EXT1: variants seen among roughly 807,000 people sequenced by gnomAD.
The protein encoded by EXT1 is exostosin-1.
EXT1 carries 20 observed loss-of-function variants against 82.5 expected under a neutral mutation model. That is an observed-to-expected ratio of 0.24 (90% confidence interval 0.17 to 0.35). The LOEUF (loss-of-function observed/expected upper bound fraction) is 0.35. EXT1 is among the 10% of genes least tolerant of loss of function. EXT1 has a pLI of 1.00. For missense variants in EXT1, 757 were observed against 936.5 expected, an observed-to-expected ratio of 0.81 and a Z score of 2.50; for synonymous variants, 348 against 350.8, an observed-to-expected ratio of 0.99 and a Z score of 0.09.
intron 8 of EXT1, among the ~76,000 whole-genome samples, chr8:117,807,766 T>C (rs17503096): frequency 0.011 from 1,709 of 152,186 alleles, 33 homozygotes; most frequent in African/African-American, 0.038. Flanking sequence ...TTCCCATGTA[T>C]ATCCAAAGAA....
chr8:117,882,239 C>T (rs1408709240), intron 1 of EXT1, among the ~76,000 whole-genome samples: 2 of 152,140 alleles, frequency 1.3e-5, no homozygotes, highest in African/African-American at 2.4e-5. Flanking sequence ...CACCACCATA[C>T]CCAGCTACTT....
chr8:118,014,442 T>G (rs1252505308), intron 1 of EXT1, among the ~76,000 whole-genome samples: 1 of 152,164 alleles, frequency 6.6e-6, no homozygotes, highest in Non-Finnish European at 1.5e-5. Flanking sequence ...CTCATGTCCG[T>G]GCATCCCTTC....
At chr8:117,807,923 C>T (rs1377464659) in intron 8 of EXT1, among the ~76,000 whole-genome samples, 2 of 151,224 alleles carry the variant, frequency 1.3e-5, no homozygotes, top group African/African-American at 4.9e-5. Flanking sequence ...ATAAAGAAAA[C>T]ATAATTCAGG....
At chr8:118,090,521 T>C (rs1354726095) in intron 1 of EXT1, among the ~76,000 whole-genome samples, 4 of 152,000 alleles carry the variant, frequency 2.6e-5, no homozygotes, top group Non-Finnish European at 5.9e-5. Context: ...CTCATGCCTG[T>C]AATCCCAGCA....
rs531703918 is a variant in EXT1 at position 117,895,380 on chromosome 8, T to C, written c.963-58179A>G. Among the ~76,000 whole-genome samples, 31 of 152,166 alleles carry C rather than the reference T, an allele frequency of 2.0e-4. 1 individual carries two copies. The highest frequency in any genetic ancestry group is 3.1e-4 in the Non-Finnish European group (21 of 68,038). ...ATTGGGCACCTGTTCTGGCCAGGCA[T>C]TAGGCTAGGACAGAAAGAATGAAGA... On this transcript the variant is annotated intron_variant, in intron 1 of 10. Transcript: ENST00000378204.
chr8:117,815,204 T>C (rs953455364), intron 7 of EXT1, among the ~76,000 whole-genome samples: 1 of 152,210 alleles, frequency 6.6e-6, no homozygotes, highest in Non-Finnish European at 1.5e-5. Context: ...GCCCTGACCT[T>C]TCCCTTGTTA....
intron 1 of EXT1, among the ~76,000 whole-genome samples, chr8:117,841,253 T>C (rs963014994): frequency 6.6e-6 from 1 of 152,196 alleles, no homozygotes; most frequent in Non-Finnish European, 1.5e-5. Flanking sequence ...GGACAAACTA[T>C]TGATACACAC....
intron 1 of EXT1, among the ~76,000 whole-genome samples, chr8:117,959,417 A>G (rs891484031): frequency 6.6e-6 from 1 of 152,226 alleles, no homozygotes; most frequent in African/African-American, 2.4e-5. Flanking sequence ...GCTAGCTAGC[A>G]CTATATTTGA....
intron 1 of EXT1, among the ~76,000 whole-genome samples, chr8:118,022,323 ATTCTTTTTTTTTT>A (rs1586348177): frequency 1.0e-5 from 1 of 96,824 alleles, no homozygotes; most frequent in East Asian, 3.4e-4. Context: ...GCGCATATAT[ATTCTTTTTTTTTT>A]TTTTTTTTTT....
Position 117,826,549 on chromosome 8 carries a change from C to T in EXT1, c.1284+3681G>A, listed in dbSNP as rs17503341. Reference sequence around the variant, plus strand: ...GTGATACTTAAATTGTTCTTATAAACACATTTGCTGTGTTATTTGTATCTG... The same window carrying T: ...GTGATACTTAAATTGTTCTTATAAATACATTTGCTGTGTTATTTGTATCTG... On this transcript the variant is annotated intron_variant, in intron 4 of 10. Transcript: ENST00000378204. Among the ~76,000 whole-genome samples, 632 of 152,304 alleles carry T rather than the reference C, an allele frequency of 4.1e-3. 7 individuals carry two copies. The highest frequency in any genetic ancestry group is 0.014 in the African/African-American group (595 of 41,560).
intron 1 of EXT1, among the ~76,000 whole-genome samples, chr8:118,094,209 T>C (rs746777898): frequency 2.6e-5 from 4 of 152,194 alleles, no homozygotes; most frequent in South Asian, 2.1e-4. Context: ...CATAATACTT[T>C]TGTAATAGGA....
At chr8:118,095,681 T>A (rs1817597479) in intron 1 of EXT1, among the ~76,000 whole-genome samples, 1 of 152,210 alleles carries the variant, frequency 6.6e-6, no homozygotes, top group South Asian at 2.1e-4. Flanking sequence ...TAGGAATAAT[T>A]TTGGAAAATG....
chr8:117,801,921 A>AT (rs971679436), intron 10 of EXT1, among the ~76,000 whole-genome samples: 3 of 152,158 alleles, frequency 2.0e-5, no homozygotes, highest in African/African-American at 7.2e-5. Context: ...TATTCAAAAA[A>AT]TTTTTTTTAA....
intron 1 of EXT1, among the ~76,000 whole-genome samples, chr8:118,081,047 G>C (rs577347391): frequency 1.3e-5 from 2 of 152,276 alleles, no homozygotes; most frequent in East Asian, 3.9e-4. Flanking sequence ...GCCAGGCACT[G>C]AGCAAAATGC....
intron 3 of EXT1, among the ~76,000 whole-genome samples, chr8:117,830,730 A>C (rs1218333661): frequency 6.6e-6 from 1 of 152,212 alleles, no homozygotes; most frequent in African/African-American, 2.4e-5. Flanking sequence ...AGAAGACTTT[A>C]TCTCCCAAGC....
intron 1 of EXT1, among the ~76,000 whole-genome samples, chr8:118,001,333 T>TAACC (rs2129810704): frequency 6.6e-6 from 1 of 152,250 alleles, no homozygotes; most frequent in Admixed American, 6.5e-5. Flanking sequence ...TACAGGCGTG[T>TAACC]GCCACCAGGC....
intron 1 of EXT1, among the ~76,000 whole-genome samples, chr8:117,843,216 T>A (rs1812299963): frequency 1.3e-5 from 2 of 152,234 alleles, no homozygotes; most frequent in South Asian, 2.1e-4. Context: ...TGCGCCTTTT[T>A]CATTCATTCA....
intron 10 of EXT1, among the ~76,000 whole-genome samples, chr8:117,801,403 G>A (rs1315216138): frequency 6.6e-6 from 1 of 152,192 alleles, no homozygotes; most frequent in East Asian, 1.9e-4. Flanking sequence ...TGATAAATCA[G>A]AGAAAGATAT....
At chr8:117,913,194 C>G (rs961804642) in intron 1 of EXT1, among the ~76,000 whole-genome samples, 2 of 152,128 alleles carry the variant, frequency 1.3e-5, no homozygotes, top group African/African-American at 4.8e-5. Flanking sequence ...TACCCCCAAG[C>G]CTGGGTGACA....
Sources: gnomAD v4.1 joint callset for allele counts (sites outside exome capture counted in the v4.1 genomes callset) on GRCh38, gnomAD v4.1.1 for gene constraint, MANE v1.5 for transcripts, NCBI Gene and HGNC (gene_info 2026-07-23, HGNC 2026-07-21) for gene names.